The following PRKN variants were observed in gnomAD, a reference collection of about 807,000 sequenced individuals.
PRKN encodes parkin RBR E3 ubiquitin protein ligase, also known as E3 ubiquitin-protein ligase parkin.
PRKN carries 56 observed loss-of-function variants against 59.5 expected under a neutral mutation model. That is an observed-to-expected ratio of 0.94 (90% confidence interval 0.76 to 1.18). The LOEUF (loss-of-function observed/expected upper bound fraction) is 1.18, where lower values mean the gene tolerates loss of function less well. PRKN is among the 50% of genes most tolerant of loss of function. The pLI, the probability that PRKN is intolerant of heterozygous loss-of-function variation, is 0.00. For synonymous variants in PRKN, 250 were observed against 222.1 expected (o/e 1.13, Z -1.12); for missense variants, 657 against 596.4 (o/e 1.10, Z -1.06).
intron 2 of PRKN, among the ~76,000 whole-genome samples, chr6:162,297,586 T>TC (rs1346494902): frequency 6.6e-6 from 1 of 152,084 alleles, no homozygotes; most frequent in Non-Finnish European, 1.5e-5. Flanking sequence ...ATATCTAAAC[T>TC]CCATCAGAAA....
At chr6:162,609,373 T>G (rs1327044248) in intron 1 of PRKN, among the ~76,000 whole-genome samples, 1 of 152,236 alleles carries the variant, frequency 6.6e-6, no homozygotes, top group Admixed American at 6.5e-5. Context: ...AAAAATATTT[T>G]TATAAATTAG....
chr6:162,087,718 T>C (rs7773137), intron 4 of PRKN, among the ~76,000 whole-genome samples: 116,054 of 151,090 alleles, frequency 0.77, 45,006 homozygotes, highest in African/African-American at 0.88. Flanking sequence ...CTCAGCCTCC[T>C]GAGTAGCTGG....
chr6:162,449,279 C>G (rs1477811611), intron 1 of PRKN, among the ~76,000 whole-genome samples: 1 of 152,156 alleles, frequency 6.6e-6, no homozygotes, highest in Non-Finnish European at 1.5e-5. Context: ...CTTCCTACAC[C>G]TGTCTTAGTG....
chr6:161,833,618 A>G (rs901646843), intron 6 of PRKN, among the ~76,000 whole-genome samples: 1 of 152,028 alleles, frequency 6.6e-6, no homozygotes, highest in African/African-American at 2.4e-5. Flanking sequence ...CTCCCCTCGG[A>G]TGTCCGGGTG....
intron 4 of PRKN, among the ~76,000 whole-genome samples, chr6:162,084,968 C>T (rs972273155): frequency 5.3e-5 from 8 of 151,398 alleles, no homozygotes; most frequent in African/African-American, 1.7e-4. Flanking sequence ...AAATCCAATT[C>T]AAACAAAAAA....
At chr6:162,332,851 C>T (rs962815431) in intron 2 of PRKN, among the ~76,000 whole-genome samples, 2 of 152,222 alleles carry the variant, frequency 1.3e-5, no homozygotes, top group Non-Finnish European at 2.9e-5. Context: ...CTTCCACTGC[C>T]CCACACACAG....
At chr6:162,415,741 C>T (rs545428112) in intron 2 of PRKN, among the ~76,000 whole-genome samples, 5 of 152,212 alleles carry the variant, frequency 3.3e-5, no homozygotes, top group Non-Finnish European at 5.9e-5. Context: ...CGCTTGAACC[C>T]GGGAGGCAGA....
At chr6:162,136,938 T>C (rs1781581894) in intron 4 of PRKN, among the ~76,000 whole-genome samples, 1 of 151,974 alleles carries the variant, frequency 6.6e-6, no homozygotes, top group African/African-American at 2.4e-5. Flanking sequence ...ATATTTACTT[T>C]GTAAGTATAA....
At chr6:161,791,089 T>A (rs1790618839) in intron 6 of PRKN, among the ~76,000 whole-genome samples, 1 of 152,166 alleles carries the variant, frequency 6.6e-6, no homozygotes, top group South Asian at 2.1e-4. Context: ...AATTGATCGA[T>A]CCAGAGATGA....
At position 161,470,314 on chromosome 6, in the gene PRKN, T is replaced by G. The variant is rs965330648; in HGVS notation, c.1083+78540A>C. Among the ~76,000 whole-genome samples, 3 of 152,236 alleles carry G rather than the reference T, an allele frequency of 2.0e-5. No individual in the cohort carries two copies. The highest frequency in any genetic ancestry group is 4.4e-5 in the Non-Finnish European group (3 of 68,042). On this transcript the variant is annotated intron_variant, in intron 9 of 11. Coordinates refer to ENST00000366898, the MANE Select transcript of PRKN (RefSeq NM_004562.3). The surrounding 1 kb of genome is among the most constrained non-coding windows in gnomAD (Gnocchi z 5.1). ...TATTTAATGTAGTCACTCATCTAAA[T>G]CTTCATTCCCCTCTTCAACGGCTCT...
At chr6:162,383,352 C>A (rs1473665599) in intron 2 of PRKN, among the ~76,000 whole-genome samples, 1 of 152,180 alleles carries the variant, frequency 6.6e-6, no homozygotes, top group Non-Finnish European at 1.5e-5. Context: ...TGTTAGCAAG[C>A]ATGAAAACAA....
chr6:162,042,843 G>A (rs1784116855), intron 5 of PRKN, among the ~76,000 whole-genome samples: 1 of 152,122 alleles, frequency 6.6e-6, no homozygotes, highest in Non-Finnish European at 1.5e-5. Context: ...TTAATAAAAT[G>A]GTAGAAGCAC....
intron 7 of PRKN, among the ~76,000 whole-genome samples, chr6:161,698,717 A>G (rs1786125938): frequency 6.6e-6 from 1 of 152,162 alleles, no homozygotes; most frequent in Non-Finnish European, 1.5e-5. Context: ...GTCAGGAGAA[A>G]ACAGTATATT....
In PRKN at chr6:161,457,007, T is replaced by C. The variant is rs1457586528; in HGVS notation, c.1084-70130A>G. Among the ~76,000 whole-genome samples, 1 of 152,178 alleles carries C rather than the reference T, an allele frequency of 6.6e-6. No individual in the cohort carries two copies. The highest frequency in any genetic ancestry group is 6.5e-5 in the Admixed American group (1 of 15,276). Reference sequence around the variant, plus strand: ...CTACCAGAGAGCTGAGTTCAGGACCTGGGTTTGGGCGTGGAAGGGCGGTGT... The same window carrying C: ...CTACCAGAGAGCTGAGTTCAGGACCCGGGTTTGGGCGTGGAAGGGCGGTGT... On this transcript the variant is annotated intron_variant, in intron 9 of 11. Coordinates refer to ENST00000366898, the MANE Select transcript of PRKN (RefSeq NM_004562.3). The surrounding 1 kb of genome is among the most constrained non-coding windows in gnomAD (Gnocchi z 5.0).
At chr6:162,207,394 G>A (rs1233474822) in intron 3 of PRKN, among the ~76,000 whole-genome samples, 1 of 151,942 alleles carries the variant, frequency 6.6e-6, no homozygotes, top group Non-Finnish European at 1.5e-5. Flanking sequence ...AGAAAAAGAT[G>A]GGGATAACGA....
chr6:161,630,833 C>G (rs150313770), intron 7 of PRKN, among the ~76,000 whole-genome samples: 16 of 152,330 alleles, frequency 1.1e-4, no homozygotes, highest in African/African-American at 2.9e-4. Context: ...AAAGACCACA[C>G]AGTGACAGTC....
At chr6:162,385,129 C>A (rs996457519) in intron 2 of PRKN, among the ~76,000 whole-genome samples, 1 of 151,966 alleles carries the variant, frequency 6.6e-6, no homozygotes, top group African/African-American at 2.4e-5. Context: ...CTGAAAATAC[C>A]ATCAAGATAC....
intron 9 of PRKN, among the ~76,000 whole-genome samples, chr6:161,500,557 T>C (rs1262767586): frequency 2.0e-5 from 3 of 152,218 alleles, no homozygotes; most frequent in Middle Eastern, 3.2e-3. Flanking sequence ...CCACACAGTA[T>C]GTAGTCTTTT....
In PRKN at chr6:161,609,686, C is replaced by A. The variant is rs537246023; in HGVS notation, c.872-40270G>T. ...CTGTTTTTCCCTATTCCACCAAAAC[C>A]AAAACAAAAAACCCTAAGAAAACAC... On this transcript the variant is annotated intron_variant, in intron 7 of 11. Coordinates refer to ENST00000366898, the MANE Select transcript of PRKN (RefSeq NM_004562.3). 5.3e-5 allele frequency among the ~76,000 whole-genome samples: 8 copies of A among 152,060 alleles called. No individual in the cohort carries two copies. The East Asian group carries it at 1.6e-3, about 30-fold the overall frequency.
Sources: allele counts gnomAD v4.1 joint callset (sites outside exome capture counted in the v4.1 genomes callset), GRCh38; gene constraint gnomAD v4.1.1; non-coding constraint Gnocchi (gnomAD v3.1); transcripts MANE v1.5; gene names NCBI Gene and HGNC (gene_info 2026-07-23, HGNC 2026-07-21).